The following APOO variants were observed in gnomAD, a reference collection of about 807,000 sequenced individuals.
APOO encodes MICOS complex subunit MIC26.
APOO carries 11 observed loss-of-function variants against 23.1 expected under a neutral mutation model. That is an observed-to-expected ratio of 0.48 (90% CI 0.30 to 0.79). The LOEUF (loss-of-function observed/expected upper bound fraction) is 0.79, where lower values mean the gene tolerates loss of function less well. Among genes scored for constraint, APOO ranks in the 30% least tolerant of loss-of-function variants. APOO has a pLI of 0.07. For missense variants in APOO, 160 were observed against 142.7 expected, an observed-to-expected ratio of 1.12 and a Z score of -0.62; for synonymous variants, 59 against 54.8, an observed-to-expected ratio of 1.08 and a Z score of -0.34.
intron 5 of APOO, among the ~76,000 whole-genome samples, chrX:23,863,995 ATT>A (rs767260523): frequency 1.6e-4 from 15 of 95,355 alleles, no homozygotes; most frequent in Admixed American, 1.2e-4. Context: ...TGTGTTATTG[ATT>A]TTTTTTTTTT....
intron 1 of APOO, among the ~76,000 whole-genome samples, chrX:23,887,689 T>C (rs997701000): frequency 1.8e-5 from 2 of 111,683 alleles, no homozygotes; most frequent in African/African-American, 3.3e-5. Flanking sequence ...TGAGTACATA[T>C]GCACCTGCCA....
Position 23,880,889 on chromosome X carries a change from G to T in APOO, c.73C>A (p.Pro25Thr). 8.4e-7 allele frequency: 1 copy of T among 1,187,742 alleles called. No homozygotes were observed. Among genetic ancestry groups the T allele is most frequent in the South Asian group, 1.9e-5 (1 of 52,419 alleles). The part of the protein sequence containing the change: ...SLLTFKVYAA[P>T]KKDSPPKNSV... ...TTTTTGGGAGGTGAGTCCTTTTTTG[G>T]TGCTGCATAGACTTTGAAGGTGAGC... is the stretch of plus-strand genomic sequence containing the variant. Residue 25 changes from proline (P) to threonine (T), a missense_variant, in exon 2 of 9, where the codon CCA becomes ACA. By Grantham distance (38) the Pro-to-Thr change is conservative. Coordinates refer to ENST00000379226, the MANE Select transcript of APOO (RefSeq NM_024122.5).
At chrX:23,878,633 C>T (rs187084001) in intron 3 of APOO, among the ~76,000 whole-genome samples, 2 of 112,073 alleles carry the variant, frequency 1.8e-5, no homozygotes, top group African/African-American at 6.5e-5. Flanking sequence ...CAATTACACT[C>T]TTTAAGTTAT....
chrX:23,846,571 C>T lies in APOO; in HGVS notation c.562-6194G>A, dbSNP rs1313734353. Among the ~76,000 whole-genome samples, 5 of 94,907 alleles carry T rather than the reference C, an allele frequency of 5.3e-5. No homozygotes were observed. The Admixed American group carries it at 6.4e-4, about 12-fold the overall frequency. The allele number at this position is 94,907 out of a possible 115,157, so 82.4% of individuals were successfully genotyped here. A position where few individuals can be genotyped will look rare whatever the true frequency, so the allele number is the denominator to read the frequency against. On this transcript the variant is annotated intron_variant, in intron 7 of 8. Transcript: ENST00000379226. ...CAGGAGGTGGAGGTTGCAGTGAACG[C>T]GATCGCACCACTGCACCACTGCACT...
chrX:23,857,012 T>G (rs1419324682), intron 6 of APOO, among the ~76,000 whole-genome samples: 1 of 111,668 alleles, frequency 9.0e-6, no homozygotes, highest in African/African-American at 3.3e-5. Flanking sequence ...TACCACATGT[T>G]CTTACTTGTA....
intron 8 of APOO, among the ~76,000 whole-genome samples, chrX:23,837,953 C>T (rs910848501): frequency 3.3e-5 from 3 of 91,413 alleles, no homozygotes; most frequent in Non-Finnish European, 6.5e-5. Context: ...AGCCACTGCA[C>T]CCGGCCTATC....
At chrX:23,898,395 G>A (rs752191550) in intron 1 of APOO, among the ~76,000 whole-genome samples, 3 of 110,982 alleles carry the variant, frequency 2.7e-5, no homozygotes, top group Non-Finnish European at 5.7e-5. Context: ...GAGCCACCAC[G>A]TCGGGCCTAG....
chrX:23,892,527 G>A (rs1219789015), intron 1 of APOO, among the ~76,000 whole-genome samples: 2 of 110,425 alleles, frequency 1.8e-5, no homozygotes, highest in Non-Finnish European at 3.8e-5. Context: ...CATACTGCTG[G>A]AATTGGCCAA....
intron 1 of APOO, among the ~76,000 whole-genome samples, chrX:23,892,033 A>G (rs1926678376): frequency 9.0e-6 from 1 of 110,511 alleles, no homozygotes; most frequent in Non-Finnish European, 1.9e-5. Flanking sequence ...TGATCCTACA[A>G]GCCACACAAA....
At chrX:23,887,616 T>A (rs904748267) in intron 1 of APOO, among the ~76,000 whole-genome samples, 5 of 111,431 alleles carry the variant, frequency 4.5e-5, no homozygotes, top group African/African-American at 1.3e-4. Context: ...CAAGTGATAG[T>A]CCTTGAGAAG....
At chrX:23,861,875 C>T (rs1021961641) in intron 5 of APOO, among the ~76,000 whole-genome samples, 5 of 103,222 alleles carry the variant, frequency 4.8e-5, no homozygotes, top group Non-Finnish European at 7.8e-5. Flanking sequence ...GTGATCTCAG[C>T]TCACTGCAAC....
At chrX:23,902,856 G>A (rs1005955764) in intron 1 of APOO, among the ~76,000 whole-genome samples, 8 of 110,750 alleles carry the variant, frequency 7.2e-5, no homozygotes, top group Non-Finnish European at 1.3e-4. Context: ...CAATCCTACC[G>A]TTTACTCCAT....
intron 1 of APOO, among the ~76,000 whole-genome samples, chrX:23,896,066 G>C (rs763335800): frequency 9.1e-6 from 1 of 110,365 alleles, no homozygotes; most frequent in Non-Finnish European, 1.9e-5. Context: ...TCAGTGGTTC[G>C]AGACCAGCAT....
At chrX:23,838,768 G>A (rs192264629) in intron 8 of APOO, among the ~76,000 whole-genome samples, 1 of 111,271 alleles carries the variant, frequency 9.0e-6, no homozygotes, top group East Asian at 2.8e-4. Context: ...CAACCAACAC[G>A]AATCACTTTT....
chrX:23,880,647 G>A (rs188579213), intron 2 of APOO, among the ~76,000 whole-genome samples, 198 bp downstream of exon 2: 314 of 110,073 alleles, frequency 2.9e-3, no homozygotes, highest in South Asian at 8.4e-3. Flanking sequence ...GCAATGAGCC[G>A]AGATCGCACC....
chrX:23,858,602 C>G, intron 6 of APOO, 40 bp downstream of exon 6: 1 of 1,141,218 alleles, frequency 8.8e-7, no homozygotes. Context: ...CACACACAAA[C>G]AAGAATGAGG....
intron 7 of APOO, among the ~76,000 whole-genome samples, chrX:23,855,844 T>C (rs1259918839): frequency 8.9e-6 from 1 of 111,872 alleles, no homozygotes; most frequent in East Asian, 2.8e-4. Flanking sequence ...CACCCTCAGC[T>C]GAGCTGAGAA....
chrX:23,838,357 C>CAAAAAAAAAAAAAAAAAAA (rs764414297), intron 8 of APOO, among the ~76,000 whole-genome samples: 1 of 20,057 alleles, frequency 5.0e-5, no homozygotes, highest in African/African-American at 3.7e-4. Context: ...AACTCTATCT[C>CAAAAAAAAAAAAAAAAAAA]AAAAAAAAAA....
At chrX:23,888,167 G>A (rs185158493) in intron 1 of APOO, among the ~76,000 whole-genome samples, 65 of 111,671 alleles carry the variant, frequency 5.8e-4, no homozygotes, top group African/African-American at 2.0e-3. Context: ...CTTTTGTTTC[G>A]CACAGCCCGC....
Sources: allele counts gnomAD v4.1 joint callset (sites outside exome capture counted in the v4.1 genomes callset), GRCh38; gene constraint gnomAD v4.1.1; transcripts MANE v1.5; gene names NCBI Gene and HGNC (gene_info 2026-07-23, HGNC 2026-07-21).